Variants in FHOD1 observed in about 807,000 individuals in gnomAD.
FHOD1 encodes formin homology 2 domain containing 1.
FHOD1 carries 89 observed loss-of-function variants against 111.6 expected under a neutral mutation model. The observed-to-expected ratio is 0.80, with a 90% CI of 0.67 to 0.95. The LOEUF is 0.95. Ranked by LOEUF, FHOD1 falls within the 40% of genes least tolerant of loss-of-function variation. The pLI is 0.00. For missense variants in FHOD1, 1,446 were observed against 1,554.2 expected, an observed-to-expected ratio of 0.93 and a Z score of 1.17; for synonymous variants, 618 against 639.0, an observed-to-expected ratio of 0.97 and a Z score of 0.50.
At chr16:67,243,393 T>A (rs933739128) in intron 1 of FHOD1, among the ~76,000 whole-genome samples, 1 of 151,920 alleles carries the variant, frequency 6.6e-6, no homozygotes, top group African/African-American at 2.4e-5. Context: ...TTTTTTTTTT[T>A]AATAGAAATA....
intron 13 of FHOD1, among the ~76,000 whole-genome samples, 194 bp from the exon 14 acceptor site, chr16:67,232,388 G>A (rs927956060): frequency 2.0e-5 from 3 of 151,906 alleles, no homozygotes; most frequent in Non-Finnish European, 4.4e-5. Context: ...GCGTGGTGGC[G>A]GGCACCTGTA....
At chr16:67,246,734 G>T (rs780021047) in intron 1 of FHOD1, among the ~76,000 whole-genome samples, 1 of 152,174 alleles carries the variant, frequency 6.6e-6, no homozygotes, top group Non-Finnish European at 1.5e-5. Flanking sequence ...ACAGGGTCAA[G>T]CCCCAATCCA....
intron 1 of FHOD1, among the ~76,000 whole-genome samples, chr16:67,241,114 A>ACCACCCCCC (rs1406344498): frequency 1.2e-5 from 1 of 83,266 alleles, no homozygotes; most frequent in Non-Finnish European, 2.2e-5. Flanking sequence ...CCCTTGGATG[A>ACCACCCCCC]CCCCCCCCCC....
rs765157973 is a variant in FHOD1, at chr16:67,239,462, C to T, written c.202-8G>A. The T allele has an allele frequency of 6.2e-7, 1 of 1,604,938 alleles. No homozygotes were observed. Among genetic ancestry groups the T allele is most frequent in the Admixed American group, 1.7e-5 (1 of 60,002 alleles). ...CAGAGCACAATCCTCCAACTGGGGG[C>T]AAAGGGAACAGCTGTGAGACTGAGG... On this transcript the variant is annotated splice_region_variant and splice_polypyrimidine_tract_variant and intron_variant, in intron 1 of 21. Coordinates refer to ENST00000258201, the MANE Select transcript of FHOD1 (RefSeq NM_013241.3).
At position 67,231,251 on chromosome 16, in the gene FHOD1, G is replaced by C. The variant is rs781717325; in HGVS notation, c.2604C>G (p.Leu868=). Residue 868 remains leucine, a synonymous_variant, in exon 17 of 22, where the codon CTC becomes CTG. Coordinates refer to ENST00000258201, the MANE Select transcript of FHOD1 (RefSeq NM_013241.3). This position sits in a 1 kb window ranked among gnomAD's most constrained non-coding sequence, Gnocchi z 4.3. ...SLLHHLCSLV[L]QTRPESSDLY... Reference sequence around the variant, plus strand: ...GGTCAGAGGACTCAGGCCGGGTCTGGAGCACTAGGGAGCAGAGATGGTGTA... The same window carrying C: ...GGTCAGAGGACTCAGGCCGGGTCTGCAGCACTAGGGAGCAGAGATGGTGTA... 37 of 1,614,096 alleles carry C rather than the reference G, an allele frequency of 2.3e-5. No individual in the cohort carries two copies. The East Asian group carries it at 7.6e-4, about 33-fold the overall frequency.
rs1301252101 is a variant in FHOD1, at chr16:67,238,601, G to C, written c.374-154C>G. 2.6e-6 allele frequency: 2 copies of C among 768,588 alleles called. No homozygotes were observed. Among genetic ancestry groups the C allele is most frequent in the Non-Finnish European group, 4.4e-6 (2 of 454,530 alleles). The allele number at this position is 768,588 out of a possible 1,614,324, so 47.6% of individuals were successfully genotyped here. A position where few individuals can be genotyped will look rare whatever the true frequency, so the allele number is the denominator to read the frequency against. On this transcript the variant is annotated intron_variant, in intron 3 of 21. Transcript: ENST00000258201. This position sits in a 1 kb window ranked among gnomAD's most constrained non-coding sequence, Gnocchi z 4.2. The stretch of plus-strand genomic sequence containing the variant: ...ACTCTGTCACTCAGGCTGGAGTGTG[G>C]AGTGCAGTGGCACAGTCATAGCTCA...
At chr16:67,229,762 G>A in intron 21 of FHOD1, 31 bp downstream of exon 21, 1 of 1,614,124 alleles carries the variant, frequency 6.2e-7, no homozygotes, top group East Asian at 2.2e-5. Context: ...TGGGGTTCAG[G>A]TGGGCAGTGG....
rs1343221621 is a variant in FHOD1 at position 67,233,997 on chromosome 16, A to G, written c.1706T>C (p.Ile569Thr). The G allele has an allele frequency of 1.2e-6, 2 of 1,612,204 alleles. No individual in the cohort carries two copies. Among genetic ancestry groups the G allele is most frequent in the Non-Finnish European group, 1.7e-6 (2 of 1,179,754 alleles). The change falls in exon 13 of 22, where the codon ATC (isoleucine) becomes ACC (threonine). Residue 569 changes from isoleucine (I) to threonine (T), a missense_variant. By Grantham distance (89) the Ile-to-Thr change is moderately conservative. Around this residue, in one of 3 missense-constraint regions of FHOD1, gnomAD observed 1,085 missense variants for 1,108.8 expected, o/e 0.98. Transcript: ENST00000258201. ...NVESVEAGKD[I>T]PAPSPPLPLL... ...GGGCAGTGGGGGTGAGGGAGCTGGGATGTCTTTCCCAGCCTCCACAGACTC... is the reference window on the plus strand; with the variant it reads ...GGGCAGTGGGGGTGAGGGAGCTGGGGTGTCTTTCCCAGCCTCCACAGACTC...
In FHOD1 at chr16:67,231,723, A is replaced by G. The variant is rs1236370540; in HGVS notation, c.2299T>C (p.Phe767Leu). Residue 767 changes from phenylalanine (F) to leucine (L), a missense_variant, in exon 15 of 22, where the codon TTC becomes CTC. This residue lies in a region of FHOD1 where 1,085 missense variants were observed against 1,108.8 expected (regional missense o/e 0.98). Transcript: ENST00000258201. The surrounding 1 kb of genome is among the most constrained non-coding windows in gnomAD (Gnocchi z 4.3). Reference sequence around the variant, plus strand: ...CCAATGGAGGCAAGAGTCATCAGGAAGTTCTCGGCTGGGCCCAGGGGTATG... The same window carrying G: ...CCAATGGAGGCAAGAGTCATCAGGAGGTTCTCGGCTGGGCCCAGGGGTATG... ...PDIPLGPAEN[F>L]LMTLASIGGL... is the part of the protein sequence containing the mutation. 1 of 1,613,982 alleles carries G rather than the reference A, an allele frequency of 6.2e-7. No homozygotes were observed. Among genetic ancestry groups the G allele is most frequent in the South Asian group, 1.1e-5 (1 of 91,082 alleles).
intron 1 of FHOD1, among the ~76,000 whole-genome samples, chr16:67,245,408 C>G (rs768255752): frequency 6.6e-6 from 1 of 152,146 alleles, no homozygotes; most frequent in Non-Finnish European, 1.5e-5. Flanking sequence ...TTCTGAGCCT[C>G]TTTCTTGCAG....
chr16:67,241,841 C>A (rs764835674), intron 1 of FHOD1, among the ~76,000 whole-genome samples: 3 of 152,236 alleles, frequency 2.0e-5, no homozygotes, highest in African/African-American at 4.8e-5. Context: ...AGCACAGACC[C>A]AGAAAGGTCA....
At chr16:67,232,791 C>G (rs1174209524) in intron 13 of FHOD1, among the ~76,000 whole-genome samples, 3 of 152,076 alleles carry the variant, frequency 2.0e-5, no homozygotes, top group Admixed American at 6.6e-5. Context: ...GCTGGGATTA[C>G]AGGCGTGTAC....
chr16:67,234,623 C>G (rs570267750), intron 11 of FHOD1, 151 bp from the exon 12 acceptor site: 17 of 622,856 alleles, frequency 2.7e-5, no homozygotes, highest in Admixed American at 5.1e-5. Flanking sequence ...AACCACACCC[C>G]CCCCAAGGCC....
At position 67,230,197 on chromosome 16, in the gene FHOD1, G is replaced by T. The variant is rs767751100; in HGVS notation, c.3083C>A (p.Ala1028Asp). ...TEKFSGVAGE[A>D]PSNPSVPVAV... is the part of the protein sequence containing the mutation. ...TACTGGGACAGAGGGGTTGCTGGGG[G>T]CTTCCCCAGCCACACCTGAGAACTT... The change falls in exon 20 of 22, where the codon GCC becomes GAC. Residue 1028 changes from alanine to aspartate, a missense_variant. By Grantham distance (126) the Ala-to-Asp change is moderately radical (BLOSUM62 -2). Coordinates refer to ENST00000258201, the MANE Select transcript of FHOD1 (RefSeq NM_013241.3). The T allele has an allele frequency of 1.9e-6, 3 of 1,613,804 alleles. No homozygotes were observed. Among genetic ancestry groups the T allele is most frequent in the Non-Finnish European group, 1.7e-6 (2 of 1,179,910 alleles).
rs981924024 is a variant in FHOD1, at chr16:67,230,653, A to G, written c.2806T>C (p.Cys936Arg). ...RARLTHFLDQ[C>R]ARRVAMLRIV... ...CTTAGCATGGCAACACGGCGGGCAC[A>G]CTGGTCCAGGAAGTGGGTGAGGCGG... is the stretch of plus-strand genomic sequence containing the variant. Residue 936 changes from cysteine to arginine, a missense_variant, in exon 18 of 22, where the codon TGT (cysteine) becomes CGT (arginine). Physicochemically the swap from Cys to Arg is radical, Grantham distance 180. This residue lies in a region of FHOD1 where 1,085 missense variants were observed against 1,108.8 expected (regional missense o/e 0.98). Transcript: ENST00000258201. 1.2e-6 allele frequency: 2 copies of G among 1,613,898 alleles called. No homozygotes were observed. Among genetic ancestry groups the G allele is most frequent in the Non-Finnish European group, 1.7e-6 (2 of 1,179,948 alleles).
Position 67,232,179 on chromosome 16 carries a change from G to T in FHOD1, c.2062C>A (p.Arg688Ser). Residue 688 changes from arginine (R) to serine (S), a missense_variant, in exon 14 of 22, where the codon CGC becomes AGC. Physicochemically the swap from Arg to Ser is moderately radical, Grantham distance 110. Transcript: ENST00000258201. ...VLPSKKAGEGRRTMTTVLDPK... is the reference protein window; with the variant it reads ...VLPSKKAGEGSRTMTTVLDPK... ...TCCAGCACTGTGGTCATTGTCCGGC[G>T]GCCCTCTCCAGCTTTCTGCATGGTT... is the stretch of plus-strand genomic sequence containing the variant. 6.2e-7 allele frequency: 1 copy of T among 1,614,126 alleles called. No individual in the cohort carries two copies. The highest frequency in any genetic ancestry group is 8.5e-7 in the Non-Finnish European group (1 of 1,180,024).
At chr16:67,236,791 AG>A in intron 10 of FHOD1, 58 bp from the exon 11 acceptor site, 1 of 275,640 alleles carries the variant, frequency 3.6e-6, no homozygotes, top group Non-Finnish European at 4.4e-6. Flanking sequence ...GGGGCCTGTC[AG>A]TGGGGTGGGG....
chr16:67,237,683 G>A lies in FHOD1; in HGVS notation c.728C>T (p.Ala243Val). The change falls in exon 7 of 22, where the codon GCA (alanine) becomes GTA (valine). Residue 243 changes from alanine to valine, a missense_variant. Ala to Val is a moderately conservative substitution (Grantham distance 64, BLOSUM62 0). Transcript: ENST00000258201. This position sits in a 1 kb window ranked among gnomAD's most constrained non-coding sequence, Gnocchi z 5.6. ...SENNAPLFIRAVNSVASTTGA... is the reference protein window; with the variant it reads ...SENNAPLFIRVVNSVASTTGA... ...GGTGGTGCTGGCCACAGAGTTCACT[G>A]CACGGATGAACAGCGGTGCGTTGTT... 1 of 1,614,174 alleles carries A rather than the reference G, an allele frequency of 6.2e-7. No individual in the cohort carries two copies. Among genetic ancestry groups the A allele is most frequent in the Non-Finnish European group, 8.5e-7 (1 of 1,180,016 alleles).
At chr16:67,230,278 G>A (rs1363974350) in intron 19 of FHOD1, 36 bp downstream of exon 19, 3 of 1,613,542 alleles carry the variant, frequency 1.9e-6, no homozygotes, top group East Asian at 2.2e-5. Flanking sequence ...AACCAAGGAG[G>A]TGGCAGTCAA....
Sources: gnomAD v4.1 joint callset for allele counts (sites outside exome capture counted in the v4.1 genomes callset) on GRCh38, gnomAD v4.1.1 for gene constraint, gnomAD v4.1.1 regional missense constraint, Gnocchi (gnomAD v3.1) non-coding constraint, MANE v1.5 for transcripts, NCBI Gene and HGNC (gene_info 2026-07-23, HGNC 2026-07-21) for gene names.